EIF4G2: variants seen among roughly 807,000 people sequenced by gnomAD.
EIF4G2 encodes DAP-5.
Under a neutral mutation model 117.7 loss-of-function variants are expected in EIF4G2, and 8 were observed. That is an observed-to-expected ratio of 0.07 (90% CI 0.04 to 0.12). The LOEUF (loss-of-function observed/expected upper bound fraction) is 0.12. EIF4G2 is among the 10% of genes least tolerant of loss of function. The pLI, the probability that EIF4G2 is intolerant of heterozygous loss-of-function variation, is 1.00. For synonymous variants in EIF4G2, 413 were observed against 367.8 expected, an observed-to-expected ratio of 1.12 and a Z score of -1.41; for missense variants, 812 against 1,086.2, an observed-to-expected ratio of 0.75 and a Z score of 3.55.
At chr11:10,802,841 T>C (rs1321177953) in intron 11 of EIF4G2, among the ~76,000 whole-genome samples, 189 bp downstream of exon 11, 2 of 152,138 alleles carry the variant, frequency 1.3e-5, no homozygotes, top group African/African-American at 4.8e-5. Flanking sequence ...CACTCCAGCC[T>C]GGGTGACAGT....
chr11:10,798,956 G>GTT (rs1554948293), intron 21 of EIF4G2, 36 bp downstream of exon 21: 1 of 1,582,948 alleles, frequency 6.3e-7, no homozygotes, highest in African/African-American at 1.4e-5. Flanking sequence ...CAAGCAAACT[G>GTT]AAGTAAGCAG....
At chr11:10,806,775 A>T (rs755881280) in intron 3 of EIF4G2, 45 bp downstream of exon 3, 31 of 1,598,448 alleles carry the variant, frequency 1.9e-5, no homozygotes, top group Non-Finnish European at 2.2e-5. Context: ...AAAGACTTTT[A>T]ATCTGTTAAA....
chr11:10,798,815 T>C, intron 21 of EIF4G2, 177 bp downstream of exon 21: 1 of 762,698 alleles, frequency 1.3e-6, no homozygotes, highest in South Asian at 2.2e-5. Flanking sequence ...TAGAATTGAT[T>C]CATTGTGTAG....
intron 13 of EIF4G2, 40 bp from the exon 14 acceptor site, chr11:10,801,814 G>A: frequency 6.3e-7 from 1 of 1,576,504 alleles, no homozygotes; most frequent in Non-Finnish European, 8.7e-7. Flanking sequence ...GATAAAAAGG[G>A]GTCCACAAAT....
intron 21 of EIF4G2, chr11:10,798,769 T>C (rs1171539580): frequency 8.4e-6 from 4 of 477,480 alleles, no homozygotes; most frequent in Admixed American, 7.7e-5. Context: ...CTATACTCCT[T>C]GAAAAGTTAG....
rs754952860 is a variant in EIF4G2 at position 10,799,733 on chromosome 11, T to C, written c.2143A>G (p.Met715Val). The C allele has an allele frequency of 2.5e-6, 4 of 1,613,846 alleles. No individual in the cohort carries two copies. Among genetic ancestry groups the C allele is most frequent in the East Asian group, 2.2e-5 (1 of 44,874 alleles). Residue 715 changes from methionine to valine, a missense_variant, in exon 19 of 22, where the codon ATG becomes GTG. Coordinates refer to ENST00000339995, the MANE Select transcript of EIF4G2 (RefSeq NM_001418.4). ...CCCTTTCCTTCCAAAATCTCCAACA[T>C]GCGGTCCTTATTCTGATCAATTTCT...
At chr11:10,804,486 T>C (rs773686830) in intron 5 of EIF4G2, 68 bp from the exon 6 acceptor site, 138 of 1,508,960 alleles carry the variant, frequency 9.1e-5, no homozygotes, top group Non-Finnish European at 1.2e-4. Context: ...TTAGGAAAAA[T>C]ACAACCACCT....
In EIF4G2 at chr11:10,797,958, A is replaced by G. The variant is rs1205214249; in HGVS notation, c.2659-77T>C. ...CATCCAAAAAGTTTTAGGTGGTACT[A>G]CACAGTTTTAGAATATGAAACAAGG... is the stretch of plus-strand genomic sequence containing the variant. On this transcript the variant is annotated intron_variant, in intron 21 of 21. Coordinates refer to ENST00000339995, the MANE Select transcript of EIF4G2 (RefSeq NM_001418.4). This position sits in a 1 kb window ranked among gnomAD's most constrained non-coding sequence, Gnocchi z 4.5. The G allele has an allele frequency of 2.0e-5, 26 of 1,322,322 alleles. No individual in the cohort carries two copies. The Admixed American group carries it at 4.5e-4, about 23-fold the overall frequency. The allele number at this position is 1,322,322 out of a possible 1,614,324, so 81.9% of individuals were successfully genotyped here.
chr11:10,806,455 A>C, intron 3 of EIF4G2: 1 of 329,392 alleles, frequency 3.0e-6, no homozygotes, highest in Non-Finnish European at 5.6e-6. Flanking sequence ...TGTTGGGATT[A>C]CAGGTGTGAG....
In EIF4G2 at chr11:10,803,902, T is replaced by C; in HGVS notation, c.699A>G (p.Lys233=). 6.2e-7 allele frequency: 1 copy of C among 1,611,254 alleles called. No individual in the cohort carries two copies. The highest frequency in any genetic ancestry group is 8.5e-7 in the Non-Finnish European group (1 of 1,178,100). Reference sequence around the variant, plus strand: ...CTAACTTCCCTGTCACACTTACTGTTTTGATGCACTTATGAAGGATAGATT... The same window carrying C: ...CTAACTTCCCTGTCACACTTACTGTCTTGATGCACTTATGAAGGATAGATT... The change falls in exon 8 of 22, where the codon AAA becomes AAG. Residue 233 remains lysine (K), a synonymous_variant. Coordinates refer to ENST00000339995, the MANE Select transcript of EIF4G2 (RefSeq NM_001418.4). The surrounding 1 kb of genome is among the most constrained non-coding windows in gnomAD (Gnocchi z 4.0).
At position 10,806,876 on chromosome 11, in the gene EIF4G2, C is replaced by A; in HGVS notation, c.51G>T (p.Ser17=). 6.2e-7 allele frequency: 1 copy of A among 1,614,064 alleles called. No individual in the cohort carries two copies. The highest frequency in any genetic ancestry group is 8.5e-7 in the Non-Finnish European group (1 of 1,179,996). Residue 17 remains serine, a synonymous_variant, in exon 3 of 22, where the codon TCG becomes TCT. Transcript: ENST00000339995. Reference sequence around the variant, plus strand: ...GTGCACCCCTACTTCCTCCTCCGCCCGAAGAAGCACTATTTAAAAGAAAAA... The same window carrying A: ...GTGCACCCCTACTTCCTCCTCCGCCAGAAGAAGCACTATTTAAAAGAAAAA...
chr11:10,804,840 G>T, intron 5 of EIF4G2, 73 bp downstream of exon 5: 1 of 1,300,966 alleles, frequency 7.7e-7, no homozygotes. Flanking sequence ...TAATCCAAGT[G>T]TAAAAAAACA....
rs762874293 is a variant in EIF4G2 at position 10,801,042 on chromosome 11, C to T, written c.1459G>A (p.Val487Met). ...GTTATCTGGGGCTGAAGCTTTGGCA[C>T]TTGATTTTTATTCATTAGGAACGAC... is the stretch of plus-strand genomic sequence containing the variant. The change falls in exon 15 of 22, where the codon GTG (valine) becomes ATG (methionine). Residue 487 changes from valine (V) to methionine (M), a missense_variant. Physicochemically the swap from Val to Met is conservative, Grantham distance 21. Transcript: ENST00000339995. The T allele has an allele frequency of 2.0e-5, 32 of 1,614,012 alleles. No homozygotes were observed. The highest frequency in any genetic ancestry group is 1.5e-4 in the Admixed American group (9 of 59,988).
chr11:10,803,071 C>G lies in EIF4G2; in HGVS notation c.955G>C (p.Gly319Arg). ...CGAATTTGATTGATCGTCTTTGGTC[C>G]ATTGTCAAGAAAAGCCTTGCGAGGA... Residue 319 changes from glycine to arginine, a missense_variant, in exon 11 of 22, where the codon GGA becomes CGA. Gly to Arg is a moderately radical substitution (Grantham distance 125, BLOSUM62 -2). This residue lies in a region of EIF4G2 where 154 missense variants were observed against 322.1 expected (regional missense o/e 0.48). Coordinates refer to ENST00000339995, the MANE Select transcript of EIF4G2 (RefSeq NM_001418.4). The surrounding 1 kb of genome is among the most constrained non-coding windows in gnomAD (Gnocchi z 4.0). 6.2e-7 allele frequency: 1 copy of G among 1,611,190 alleles called. No homozygotes were observed. Among genetic ancestry groups the G allele is most frequent in the Non-Finnish European group, 8.5e-7 (1 of 1,178,714 alleles).
chr11:10,800,096 G>C lies in EIF4G2; in HGVS notation c.2113C>G (p.Leu705Val). ...CAAGTCAGCATTCTCTTACCTGGGAGCATTTTCTGCATATTGACCTTGCTT... is the reference window on the plus strand; with the variant it reads ...CAAGTCAGCATTCTCTTACCTGGGACCATTTTCTGCATATTGACCTTGCTT... The change falls in exon 18 of 22, where the codon CTC becomes GTC. Residue 705 changes from leucine (L) to valine (V), a missense_variant. By Grantham distance (32) the Leu-to-Val change is conservative. This residue lies in a region of EIF4G2 where 571 missense variants were observed against 642.3 expected (regional missense o/e 0.89). Transcript: ENST00000339995. 1 of 1,612,446 alleles carries C rather than the reference G, an allele frequency of 6.2e-7. No individual in the cohort carries two copies.
chr11:10,807,572 G>T, intron 1 of EIF4G2, 191 bp from the exon 2 acceptor site: 1 of 1,243,470 alleles, frequency 8.0e-7, no homozygotes, highest in South Asian at 2.5e-5. Context: ...GGTGTTCAAG[G>T]ATGCAAAGAG....
chr11:10,797,591 A>G lies in EIF4G2; in HGVS notation c.*225T>C. 3.7e-6 allele frequency: 2 copies of G among 541,530 alleles called. No homozygotes were observed. The highest frequency in any genetic ancestry group is 6.6e-6 in the Non-Finnish European group (2 of 304,676). 33.5% of individuals were successfully genotyped at this position (541,530 alleles called of 1,614,324 possible). ...TGTAATTATTGCATGCTGCTAATAT[A>G]CTATCTAAACATTAAAGATACTCCT... On this transcript the variant is annotated 3_prime_UTR_variant, in exon 22 of 22. Coordinates refer to ENST00000339995, the MANE Select transcript of EIF4G2 (RefSeq NM_001418.4). The surrounding 1 kb of genome is among the most constrained non-coding windows in gnomAD (Gnocchi z 4.5).
At chr11:10,806,346 T>C in intron 3 of EIF4G2, 1 of 406,094 alleles carries the variant, frequency 2.5e-6, no homozygotes, top group Non-Finnish European at 4.5e-6. Context: ...TTTTGAAAAT[T>C]AACATTTTTT....
intron 7 of EIF4G2, 24 bp downstream of exon 7, chr11:10,804,113 C>T (rs1305743102): frequency 1.2e-6 from 2 of 1,613,766 alleles, no homozygotes; most frequent in African/African-American, 1.3e-5. Flanking sequence ...TACAGTAGTA[C>T]TTATTATCAG....
Sources: gnomAD v4.1 joint callset for allele counts (sites outside exome capture counted in the v4.1 genomes callset) on GRCh38, gnomAD v4.1.1 for gene constraint, gnomAD v4.1.1 regional missense constraint, Gnocchi (gnomAD v3.1) non-coding constraint, MANE v1.5 for transcripts, NCBI Gene and HGNC (gene_info 2026-07-23, HGNC 2026-07-21) for gene names.